ADGRG1: variants seen among roughly 807,000 people sequenced by gnomAD.
The protein encoded by ADGRG1 is adhesion G protein-coupled receptor G1, also known as 7-transmembrane protein with no EGF-like N-terminal domains-1.
ADGRG1 carries 53 observed loss-of-function variants against 73.5 expected under a neutral mutation model. The observed-to-expected ratio is 0.72, with a 90% CI of 0.58 to 0.91. ADGRG1 has a LOEUF of 0.91. Ranked by LOEUF, ADGRG1 falls within the 40% of genes least tolerant of loss-of-function variation. The pLI is 0.00. For missense variants in ADGRG1, 795 were observed against 871.8 expected (o/e 0.91, Z 1.11); for synonymous variants, 394 against 374.4 (o/e 1.05, Z -0.60).
chr16:57,628,240 C>T (rs2036286959), upstream of ADGRG1: 1 of 935,680 alleles, frequency 1.1e-6, no homozygotes. Flanking sequence ...GTCGCCCTGA[C>T]CTGGGGGGTG....
chr16:57,639,183 G>C, intron 1 of ADGRG1: 1 of 783,784 alleles, frequency 1.3e-6, no homozygotes, highest in East Asian at 1.3e-4. Flanking sequence ...GGCTCTTTGT[G>C]GTCCCTTCAA....
rs146704802 is a variant in ADGRG1, at chr16:57,655,474, G to A, written c.844G>A (p.Gly282Arg). 1 of 1,613,806 alleles carries A rather than the reference G, an allele frequency of 6.2e-7. No homozygotes were observed. Among genetic ancestry groups the A allele is most frequent in the Non-Finnish European group, 8.5e-7 (1 of 1,179,966 alleles). ...CTTCCAGAGGACGAAAGGCCGGAGC[G>A]GGGAGGCTGAGAAGAGACTCCTCCT... ...TLFQRTKGRSGEAEKRLLLVD... is the reference protein window; with the variant it reads ...TLFQRTKGRSREAEKRLLLVD... Residue 282 changes from glycine to arginine, a missense_variant, in exon 6 of 14, where the codon GGG becomes AGG. By Grantham distance (125) the Gly-to-Arg change is moderately radical (BLOSUM62 -2). Coordinates refer to ENST00000562631, the MANE Select transcript of ADGRG1 (RefSeq NM_201525.4).
At chr16:57,651,807 C>G in intron 3 of ADGRG1, 185 bp downstream of exon 3, 6 of 1,478,822 alleles carry the variant, frequency 4.1e-6, no homozygotes, top group Non-Finnish European at 5.4e-6. Context: ...GGATTACAGG[C>G]ATGAACCACT....
chr16:57,657,277 C>T, intron 9 of ADGRG1, 96 bp from the exon 10 acceptor site: 8 of 1,588,590 alleles, frequency 5.0e-6, no homozygotes, highest in Non-Finnish European at 6.0e-6. Context: ...GCTTCCGAGG[C>T]CCACCAGGGA....
intron 1 of ADGRG1, among the ~76,000 whole-genome samples, chr16:57,644,858 A>C (rs561811786): frequency 9.1e-5 from 13 of 142,122 alleles, no homozygotes; most frequent in Admixed American, 2.1e-4. Flanking sequence ...GGGCACACAC[A>C]CCCATGCACA....
At position 57,664,093 on chromosome 16, in the gene ADGRG1, C is replaced by A. The variant is rs1278830094; in HGVS notation, c.*511C>A. ...GGGGCCCAGGGCAGACCTTCAGGGC[C>A]AGAGCCCTGGCGGAGGAGAGGCCCT... is the stretch of plus-strand genomic sequence containing the variant. On this transcript the variant is annotated 3_prime_UTR_variant, in exon 14 of 14. Transcript: ENST00000562631. 6.1e-6 allele frequency: 1 copy of A among 165,226 alleles called. No individual in the cohort carries two copies. The highest frequency in any genetic ancestry group is 2.4e-5 in the African/African-American group (1 of 41,636). The allele number at this position is 165,226 out of a possible 1,614,324, so 10.2% of individuals were successfully genotyped here.
chr16:57,655,541 C>A lies in ADGRG1; in HGVS notation c.900+11C>A. 6.2e-7 allele frequency: 1 copy of A among 1,613,638 alleles called. No homozygotes were observed. The highest frequency in any genetic ancestry group is 8.5e-7 in the Non-Finnish European group (1 of 1,179,998). Reference sequence around the variant, plus strand: ...CAAGCCCTGTTCCAGGTATGGGGTCCTCACCCTCATGCCTCCCAGGAGAAA... The same window carrying A: ...CAAGCCCTGTTCCAGGTATGGGGTCATCACCCTCATGCCTCCCAGGAGAAA... On this transcript the variant is annotated intron_variant, in intron 6 of 13. Coordinates refer to ENST00000562631, the MANE Select transcript of ADGRG1 (RefSeq NM_201525.4).
chr16:57,632,117 G>T (rs1197351565), intron 1 of ADGRG1: 20 of 985,346 alleles, frequency 2.0e-5, no homozygotes, highest in Admixed American at 6.1e-5. Context: ...TGAGGACATT[G>T]AGGCAGGGGA....
At chr16:57,621,855 T>C in intron 2 of ADGRG1, 1 of 985,284 alleles carries the variant, frequency 1.0e-6, no homozygotes, top group Non-Finnish European at 1.2e-6. Context: ...GGTAAGGGGA[T>C]GCTGGTGACC....
chr16:57,653,191 C>T lies in ADGRG1; in HGVS notation c.488-12C>T. On this transcript the variant is annotated splice_polypyrimidine_tract_variant and intron_variant, in intron 3 of 13. Transcript: ENST00000562631. The stretch of plus-strand genomic sequence containing the variant: ...GGCAGCCTCGGCGGGGGCCTGTCCA[C>T]CCCTCCCCCAGGTCCTCCCCACACG... 3.1e-6 allele frequency: 5 copies of T among 1,606,494 alleles called. No homozygotes were observed. The highest frequency in any genetic ancestry group is 4.2e-6 in the Non-Finnish European group (5 of 1,179,866).
chr16:57,620,387 G>T (rs1222460787), upstream of ADGRG1, among the ~76,000 whole-genome samples: 2 of 152,220 alleles, frequency 1.3e-5, no homozygotes, highest in African/African-American at 4.8e-5. Flanking sequence ...GCACCGGGAA[G>T]CTGGCAGGTG....
intron 3 of ADGRG1, chr16:57,651,965 G>A: frequency 7.9e-7 from 1 of 1,271,162 alleles, no homozygotes; most frequent in South Asian, 1.7e-5. Flanking sequence ...GACTGGAAAG[G>A]GACTGAAGAT....
intron 2 of ADGRG1, among the ~76,000 whole-genome samples, chr16:57,622,365 C>T (rs1274183707): frequency 2.6e-5 from 4 of 152,076 alleles, no homozygotes; most frequent in Admixed American, 1.3e-4. Flanking sequence ...TTTTGAGCCC[C>T]CCAACCGCTG....
At chr16:57,643,033 C>T (rs1249697619) in intron 1 of ADGRG1, 1 of 152,216 alleles carries the variant, frequency 6.6e-6, no homozygotes, top group East Asian at 1.9e-4. Flanking sequence ...CTGTGATCCT[C>T]CCTCTCCTCT....
chr16:57,644,512 GCA>G (rs369501654), intron 1 of ADGRG1, among the ~76,000 whole-genome samples: 115 of 143,018 alleles, frequency 8.0e-4, no homozygotes, highest in East Asian at 2.4e-3. Flanking sequence ...TCATGCATGG[GCA>G]CACACACTCA....
Position 57,661,713 on chromosome 16 carries a change from T to G in ADGRG1, c.1681T>G (p.Ser561Ala), listed in dbSNP as rs1168067004. 3.7e-5 allele frequency: 59 copies of G among 1,613,790 alleles called. No individual in the cohort carries two copies. Among genetic ancestry groups the G allele is most frequent in the Non-Finnish European group, 5.0e-5 (59 of 1,179,890 alleles). Residue 561 changes from serine to alanine, a missense_variant, in exon 13 of 14, where the codon TCC (serine) becomes GCC (alanine). Transcript: ENST00000562631. ...IYPSMCWIRD[S>A]LVSYITNLGL... ...TGCCCGCAGGTGCTGGATCCGGGAC[T>G]CCCTGGTCAGCTACATCACCAACCT... is the stretch of plus-strand genomic sequence containing the variant.
At chr16:57,628,913 T>A (rs972262513) in intron 1 of ADGRG1, 111 bp downstream of exon 1, 23,864 of 823,160 alleles carry the variant, frequency 0.029, 1,298 homozygotes, top group African/African-American at 0.13. Flanking sequence ...TGTGAGTGTG[T>A]GAGAGTGAGT....
chr16:57,652,940 G>A (rs1359546557), intron 3 of ADGRG1: 7 of 1,341,490 alleles, frequency 5.2e-6, no homozygotes, highest in Middle Eastern at 2.9e-4. Context: ...AGGTGTCTGC[G>A]GAGGGTGCTG....
chr16:57,642,115 CT>C (rs2040996320), intron 1 of ADGRG1: 1 of 985,234 alleles, frequency 1.0e-6, no homozygotes, highest in African/African-American at 1.7e-5. Flanking sequence ...TCTTCATATT[CT>C]TTCTCTCTCT....
Sources: allele counts gnomAD v4.1 joint callset (sites outside exome capture counted in the v4.1 genomes callset), GRCh38; gene constraint gnomAD v4.1.1; transcripts MANE v1.5; gene names NCBI Gene and HGNC (gene_info 2026-07-23, HGNC 2026-07-21).